INO80D: variants seen among roughly 807,000 people sequenced by gnomAD.
The protein encoded by INO80D is INO80 complex subunit D.
Under a neutral mutation model 87.6 loss-of-function variants are expected in INO80D, and 21 were observed. The observed-to-expected ratio is 0.24, with a 90% CI of 0.17 to 0.35. The LOEUF (loss-of-function observed/expected upper bound fraction) is 0.35, where lower values mean the gene tolerates loss of function less well. Ranked by LOEUF, INO80D falls within the 10% of genes least tolerant of loss-of-function variation. The probability of loss-of-function intolerance (pLI) is 1.00; values close to 1 mark genes in which losing one functional copy is unlikely to be tolerated. For missense variants in INO80D, 982 were observed against 1,280.7 expected, an observed-to-expected ratio of 0.77 and a Z score of 3.56; for synonymous variants, 440 against 491.0, an observed-to-expected ratio of 0.90 and a Z score of 1.37.
Position 205,996,252 on chromosome 2 carries a change from G to T in INO80D, c.*8116C>A, listed in dbSNP as rs1201587412. 2.0e-5 allele frequency: 3 copies of T among 150,762 alleles called. No individual in the cohort carries two copies. The highest frequency in any genetic ancestry group is 3.0e-5 in the Non-Finnish European group (2 of 67,760). 9.3% of individuals were successfully genotyped at this position (150,762 alleles called of 1,614,324 possible). The stretch of plus-strand genomic sequence containing the variant: ...TAAAAGAAATAACAGAGAAGTTGAT[G>T]AAATATGCTTAAGCCAGATGCTTCT... On this transcript the variant is annotated 3_prime_UTR_variant, in exon 11 of 11. Transcript: ENST00000403263.
At chr2:206,047,035 T>G (rs1416187839) in intron 4 of INO80D, among the ~76,000 whole-genome samples, 1 of 152,166 alleles carries the variant, frequency 6.6e-6, no homozygotes, top group African/African-American at 2.4e-5. Flanking sequence ...CACCTCGGCC[T>G]CCCAAAGTGT....
chr2:206,008,204 G>A (rs1688078120), intron 9 of INO80D, among the ~76,000 whole-genome samples: 1 of 151,540 alleles, frequency 6.6e-6, no homozygotes, highest in Non-Finnish European at 1.5e-5. Context: ...GGCTGGTCTC[G>A]AACTCCTGAC....
intron 9 of INO80D, among the ~76,000 whole-genome samples, chr2:206,008,822 TTAG>T (rs546271216): frequency 1.3e-5 from 2 of 152,242 alleles, no homozygotes; most frequent in Non-Finnish European, 2.9e-5. Flanking sequence ...TTAATGCTTT[TTAG>T]TAGAATTTCA....
At chr2:206,060,254 C>T (rs559282311) in intron 3 of INO80D, among the ~76,000 whole-genome samples, 27 of 152,004 alleles carry the variant, frequency 1.8e-4, no homozygotes, top group South Asian at 1.3e-3. Flanking sequence ...TACTTATGGC[C>T]GGGCGCAGTG....
intron 6 of INO80D, among the ~76,000 whole-genome samples, chr2:206,026,901 A>T (rs1688629651): frequency 6.6e-6 from 1 of 152,072 alleles, no homozygotes; most frequent in Non-Finnish European, 1.5e-5. Context: ...TTTTCAAAAG[A>T]ATCTTGAAGA....
intron 10 of INO80D, among the ~76,000 whole-genome samples, chr2:206,006,039 C>G (rs560143973): frequency 2.6e-5 from 4 of 152,284 alleles, no homozygotes; most frequent in Middle Eastern, 3.4e-3. Context: ...GAGCACAACA[C>G]TAAGCTCTCA....
chr2:206,033,124 A>T (rs905892738), intron 5 of INO80D, among the ~76,000 whole-genome samples: 1 of 152,218 alleles, frequency 6.6e-6, no homozygotes. Flanking sequence ...ATAAACTTAA[A>T]GGCACAGAAA....
intron 4 of INO80D, 32 bp downstream of exon 4, chr2:206,056,164 ATG>A: frequency 6.6e-7 from 1 of 1,525,082 alleles, no homozygotes; most frequent in Non-Finnish European, 8.8e-7. Context: ...TTGTCATATT[ATG>A]TGTCTATGAT....
At chr2:206,066,176 T>G (rs1689810649) in intron 1 of INO80D, among the ~76,000 whole-genome samples, 1 of 152,104 alleles carries the variant, frequency 6.6e-6, no homozygotes, top group Admixed American at 6.6e-5. Context: ...GAGGATCGCC[T>G]GAACCCAGGA....
intron 5 of INO80D, among the ~76,000 whole-genome samples, chr2:206,041,898 A>G (rs1245709881): frequency 6.6e-6 from 1 of 152,218 alleles, no homozygotes; most frequent in Non-Finnish European, 1.5e-5. Flanking sequence ...CTGTAATCAT[A>G]GCACTTTGGG....
In INO80D at chr2:206,005,552, T is replaced by C. The variant is rs566593802; in HGVS notation, c.1919-19A>G. 5.1e-6 allele frequency: 8 copies of C among 1,582,646 alleles called. No individual in the cohort carries two copies. Among genetic ancestry groups the C allele is most frequent in the Admixed American group, 1.7e-5 (1 of 58,860 alleles). Reference sequence around the variant, plus strand: ...TTCTTCCCTGAGTCAACAAAAGCCATCGACAATCAGTAGAGCTTTTACCAG... The same window carrying C: ...TTCTTCCCTGAGTCAACAAAAGCCACCGACAATCAGTAGAGCTTTTACCAG... On this transcript the variant is annotated intron_variant, in intron 10 of 10. Transcript: ENST00000403263.
chr2:206,039,429 A>C (rs1320087762), intron 5 of INO80D, among the ~76,000 whole-genome samples: 4 of 152,070 alleles, frequency 2.6e-5, no homozygotes, highest in Non-Finnish European at 5.9e-5. Flanking sequence ...AGAAACATAT[A>C]AACGATGTTC....
At chr2:206,051,626 G>A (rs994056080) in intron 4 of INO80D, among the ~76,000 whole-genome samples, 6 of 151,884 alleles carry the variant, frequency 4.0e-5, no homozygotes, top group Non-Finnish European at 8.8e-5. Flanking sequence ...TATTCTTGGA[G>A]TATATAGGTC....
At chr2:206,067,629 A>C (rs1487647676) in intron 1 of INO80D, among the ~76,000 whole-genome samples, 1 of 152,198 alleles carries the variant, frequency 6.6e-6, no homozygotes, top group African/African-American at 2.4e-5. Context: ...TATAAAACAT[A>C]AACATTTAAA....
chr2:206,068,919 T>C (rs1274021763), intron 1 of INO80D, among the ~76,000 whole-genome samples: 2 of 152,130 alleles, frequency 1.3e-5, no homozygotes, highest in African/African-American at 2.4e-5. Context: ...TAGGCTGGTC[T>C]TGAACTTCCG....
rs999686434 is a variant in INO80D, at chr2:205,998,817, T to C, written c.*5551A>G. The stretch of plus-strand genomic sequence containing the variant: ...ATGATGAGTCACCTTTAGTTTCTTT[T>C]AAAACTATTTTCTTATTTTAAAAAC... On this transcript the variant is annotated 3_prime_UTR_variant, in exon 11 of 11. Transcript: ENST00000403263. The C allele has an allele frequency of 6.6e-6, 1 of 152,220 alleles. No homozygotes were observed. Among genetic ancestry groups the C allele is most frequent in the Admixed American group, 6.5e-5 (1 of 15,274 alleles). The allele number at this position is 152,220 out of a possible 1,614,324, so 9.4% of individuals were successfully genotyped here.
Position 206,009,774 on chromosome 2 carries a change from A to G in INO80D, c.1563T>C (p.Asp521=). ...GCTGGTGCTGAACTTTACGGGAGTTATCTCCTCTCAAGAAATTATCCTTTG... is the reference window on the plus strand; with the variant it reads ...GCTGGTGCTGAACTTTACGGGAGTTGTCTCCTCTCAAGAAATTATCCTTTG... ...AKKMDNFLRG[D]NSRKVQHQQQ... Residue 521 remains aspartate, a synonymous_variant, in exon 9 of 11, where the codon GAT becomes GAC. Transcript: ENST00000403263. The G allele has an allele frequency of 6.2e-7, 1 of 1,612,166 alleles. No individual in the cohort carries two copies. Among genetic ancestry groups the G allele is most frequent in the Non-Finnish European group, 8.5e-7 (1 of 1,179,068 alleles).
Position 206,056,493 on chromosome 2 carries a change from C to T in INO80D, c.669G>A (p.Ala223=), listed in dbSNP as rs1044514912. ...ACTTGCAGACTGAACCCTGCGGTGG[C>T]GCTGGAGGTTTTAAAGAAGTAGATA... ...SPLSTSLKPP[A]PPQGSVCKSP... The change falls in exon 4 of 11, where the codon GCG becomes GCA. Residue 223 remains alanine, a synonymous_variant. Transcript: ENST00000403263. 6 of 1,613,628 alleles carry T rather than the reference C, an allele frequency of 3.7e-6. No homozygotes were observed. Among genetic ancestry groups the T allele is most frequent in the Middle Eastern group, 1.6e-4 (1 of 6,062 alleles).
chr2:206,047,484 G>T (rs1176277824), intron 4 of INO80D, among the ~76,000 whole-genome samples: 1 of 152,126 alleles, frequency 6.6e-6, no homozygotes, highest in Admixed American at 6.5e-5. Context: ...CTCCCAAAGT[G>T]CTGGGATTAC....
Sources: allele counts gnomAD v4.1 joint callset (sites outside exome capture counted in the v4.1 genomes callset), GRCh38; gene constraint gnomAD v4.1.1; transcripts MANE v1.5; gene names NCBI Gene and HGNC (gene_info 2026-07-23, HGNC 2026-07-21).